KIF6: variants seen among roughly 807,000 people sequenced by gnomAD.
KIF6 encodes kinesin-like protein KIF6.
Under a neutral mutation model 112.7 loss-of-function variants are expected in KIF6, and 106 were observed. That is an observed-to-expected ratio of 0.94 (90% CI 0.80 to 1.11). The LOEUF is 1.11. Among genes scored for constraint, KIF6 ranks in the 50% least tolerant of loss-of-function variants. The pLI is 0.00. For synonymous variants in KIF6, 339 were observed against 339.9 expected, an observed-to-expected ratio of 1.00 and a Z score of 0.03; for missense variants, 929 against 964.0, an observed-to-expected ratio of 0.96 and a Z score of 0.48.
chr6:39,505,226 T>C (rs1398371591), intron 13 of KIF6, among the ~76,000 whole-genome samples: 1 of 151,952 alleles, frequency 6.6e-6, no homozygotes, highest in East Asian at 1.9e-4. Flanking sequence ...CTTCAATAAA[T>C]CTGACAAAAA....
chr6:39,622,122 A>G (rs1340596138), intron 5 of KIF6, among the ~76,000 whole-genome samples: 1 of 151,586 alleles, frequency 6.6e-6, no homozygotes, highest in Non-Finnish European at 1.5e-5. Context: ...AGCCAAGATC[A>G]CACCACTGCA....
At chr6:39,452,740 G>A (rs1003133613) in intron 13 of KIF6, among the ~76,000 whole-genome samples, 30 of 152,194 alleles carry the variant, frequency 2.0e-4, no homozygotes, top group African/African-American at 7.2e-4. Flanking sequence ...ATTTCCAGAC[G>A]TATGGATCAA....
intron 13 of KIF6, among the ~76,000 whole-genome samples, chr6:39,480,866 A>G (rs925466995): frequency 6.6e-6 from 1 of 152,084 alleles, no homozygotes; most frequent in Non-Finnish European, 1.5e-5. Context: ...GGGAGCCTCA[A>G]ATGATCTTTT....
At chr6:39,409,905 T>C (rs891609730) in intron 15 of KIF6, among the ~76,000 whole-genome samples, 1 of 152,216 alleles carries the variant, frequency 6.6e-6, no homozygotes, top group African/African-American at 2.4e-5. Flanking sequence ...CTTCCCCACC[T>C]CTGTCCCAGC....
chr6:39,663,959 T>C (rs1301039738), intron 3 of KIF6, among the ~76,000 whole-genome samples: 1 of 151,656 alleles, frequency 6.6e-6, no homozygotes, highest in East Asian at 1.9e-4. Flanking sequence ...CCAATAAACA[T>C]GTTGAAAGAT....
intron 3 of KIF6, among the ~76,000 whole-genome samples, chr6:39,696,345 T>C (rs1788537655): frequency 6.6e-6 from 1 of 150,848 alleles, no homozygotes; most frequent in Non-Finnish European, 1.5e-5. Context: ...GCTCCAAACT[T>C]CTTCTCCCAC....
intron 5 of KIF6, among the ~76,000 whole-genome samples, chr6:39,632,934 T>G (rs1044854917): frequency 2.6e-5 from 4 of 152,032 alleles, no homozygotes; most frequent in Admixed American, 6.6e-5. Flanking sequence ...TTCAAAATTT[T>G]TATAGTGGGA....
intron 15 of KIF6, among the ~76,000 whole-genome samples, chr6:39,414,118 C>T (rs1240516822): frequency 6.6e-6 from 1 of 152,118 alleles, no homozygotes; most frequent in East Asian, 1.9e-4. Flanking sequence ...ATATTTCTTA[C>T]TTTTGAGAAT....
chr6:39,552,475 T>C lies in KIF6; in HGVS notation c.1182-6787A>G, dbSNP rs1582117463. On this transcript the variant is annotated intron_variant, in intron 10 of 22. Transcript: ENST00000287152. ...GAAAGCTAAGAGAAGTTCAGTAACTTGCATATTGTCACTAAGGTAGGAAAT... is the reference window on the plus strand; with the variant it reads ...GAAAGCTAAGAGAAGTTCAGTAACTCGCATATTGTCACTAAGGTAGGAAAT... Among the ~76,000 whole-genome samples, 4 of 152,334 alleles carry C rather than the reference T, an allele frequency of 2.6e-5. No individual in the cohort carries two copies. In the South Asian group the frequency reaches 8.3e-4, roughly 32 times the overall value.
chr6:39,566,201 CCTGT>C (rs1315261890), intron 10 of KIF6, among the ~76,000 whole-genome samples: 2 of 152,102 alleles, frequency 1.3e-5, no homozygotes, highest in African/African-American at 4.8e-5. Context: ...CTTTCTTTTT[CCTGT>C]CTGTCTGTAT....
At position 39,587,810 on chromosome 6, in the gene KIF6, C is replaced by A. The variant is rs1781716134; in HGVS notation, c.847-1406G>T. Among the ~76,000 whole-genome samples the A allele has an allele frequency of 2.0e-5, 3 of 152,144 alleles. No homozygotes were observed. The East Asian group carries it at 5.8e-4, about 29-fold the overall frequency. On this transcript the variant is annotated intron_variant, in intron 7 of 22. Transcript: ENST00000287152. The stretch of plus-strand genomic sequence containing the variant: ...CCCTCCTACTTTTCTCCTACAATTA[C>A]CTCCTCTCTCTTCTGAATTAATTTC...
intron 15 of KIF6, among the ~76,000 whole-genome samples, chr6:39,412,398 T>C (rs1769546879): frequency 6.6e-6 from 1 of 152,222 alleles, no homozygotes; most frequent in Non-Finnish European, 1.5e-5. Context: ...AAAGATGCTT[T>C]TGTGTCTTGC....
intron 5 of KIF6, among the ~76,000 whole-genome samples, chr6:39,620,063 T>C (rs969926617): frequency 2.6e-5 from 4 of 152,174 alleles, no homozygotes; most frequent in African/African-American, 9.7e-5. Flanking sequence ...TTGCATGCTT[T>C]TCCAAAAGTG....
rs145280401 is a variant in KIF6, at chr6:39,598,793, A to T, written c.640-2533T>A. On this transcript the variant is annotated intron_variant, in intron 6 of 22. Transcript: ENST00000287152. ...ATTACAGAGATGTTAAAATAAAGCA[A>T]CTTGGGATAGATTGACATAAATGGA... 1.2e-4 allele frequency among the ~76,000 whole-genome samples: 18 copies of T among 152,274 alleles called. No homozygotes were observed. The East Asian group carries it at 3.5e-3, about 29-fold the overall frequency.
At chr6:39,629,178 C>T (rs563217089) in intron 5 of KIF6, among the ~76,000 whole-genome samples, 4 of 152,078 alleles carry the variant, frequency 2.6e-5, no homozygotes, top group Admixed American at 1.3e-4. Context: ...CAACTCATTT[C>T]GGTAAAAACC....
chr6:39,681,114 A>G (rs2113772180), intron 3 of KIF6, among the ~76,000 whole-genome samples: 1 of 152,258 alleles, frequency 6.6e-6, no homozygotes, highest in South Asian at 2.1e-4. Flanking sequence ...ATAAAATAAA[A>G]TAAAATAAAA....
chr6:39,576,562 G>C (rs1780985372), intron 10 of KIF6, among the ~76,000 whole-genome samples: 1 of 152,166 alleles, frequency 6.6e-6, no homozygotes, highest in East Asian at 1.9e-4. Context: ...GACTGAAAGG[G>C]GGACGTGAGA....
chr6:39,394,688 C>T (rs1366565412), intron 15 of KIF6, among the ~76,000 whole-genome samples: 3 of 152,184 alleles, frequency 2.0e-5, no homozygotes, highest in African/African-American at 7.2e-5. Flanking sequence ...CAGTGGGAGG[C>T]CAGGAGTGGC....
intron 15 of KIF6, among the ~76,000 whole-genome samples, chr6:39,398,110 G>A (rs2150334728): frequency 6.6e-6 from 1 of 152,250 alleles, no homozygotes; most frequent in East Asian, 1.9e-4. Context: ...TTAGTGTATT[G>A]GTTTTAATGT....
Sources: allele counts gnomAD v4.1 joint callset (sites outside exome capture counted in the v4.1 genomes callset), GRCh38; gene constraint gnomAD v4.1.1; transcripts MANE v1.5; gene names NCBI Gene and HGNC (gene_info 2026-07-23, HGNC 2026-07-21).